COL25A1: variants seen among roughly 807,000 people sequenced by gnomAD.
The protein encoded by COL25A1 is collagen alpha-1(XXV) chain.
A neutral mutation model predicts 128.4 loss-of-function variants in COL25A1; 103 were observed. The observed-to-expected ratio is 0.80, with a 90% CI of 0.68 to 0.94. The LOEUF (loss-of-function observed/expected upper bound fraction) is 0.94. COL25A1 is among the 40% of genes least tolerant of loss of function. The pLI is 0.00. For synonymous variants in COL25A1, 279 were observed against 277.2 expected, an observed-to-expected ratio of 1.01 and a Z score of -0.06; for missense variants, 745 against 840.0, an observed-to-expected ratio of 0.89 and a Z score of 1.40.
intron 3 of COL25A1, among the ~76,000 whole-genome samples, chr4:109,105,861 A>G (rs1325059548): frequency 6.6e-6 from 1 of 152,334 alleles, no homozygotes; most frequent in African/African-American, 2.4e-5. Context: ...CACTTCTTTT[A>G]TGAAACCGAT....
chr4:109,151,564 T>A (rs1377812547), intron 3 of COL25A1, among the ~76,000 whole-genome samples: 1 of 152,126 alleles, frequency 6.6e-6, no homozygotes, highest in Non-Finnish European at 1.5e-5. Flanking sequence ...TAAAGTCCAG[T>A]AGCAGCATTA....
At chr4:108,861,016 A>G (rs771982988) in intron 22 of COL25A1, 45 bp from the exon 23 acceptor site, 1 of 1,524,474 alleles carries the variant, frequency 6.6e-7, no homozygotes, top group Non-Finnish European at 9.1e-7. Context: ...AAGTGGGGGA[A>G]TCTAGAAATC....
chr4:109,242,392 T>A (rs950789182), intron 3 of COL25A1, among the ~76,000 whole-genome samples: 1 of 152,052 alleles, frequency 6.6e-6, no homozygotes, highest in Non-Finnish European at 1.5e-5. Context: ...TAAACACACA[T>A]ACCAACACTC....
At chr4:109,113,640 C>T (rs55810387) in intron 3 of COL25A1, among the ~76,000 whole-genome samples, 12,539 of 147,110 alleles carry the variant, frequency 0.085, 878 homozygotes, top group Admixed American at 0.25. Context: ...ATAAAGAAAG[C>T]TTGCTGACTG....
Position 108,809,535 on chromosome 4 carries a change from A to C in COL25A1, c.*4392T>G, listed in dbSNP as rs1336056158. The C allele has an allele frequency of 2.4e-5, 1 of 41,630 alleles. No homozygotes were observed. Among genetic ancestry groups the C allele is most frequent in the Non-Finnish European group, 8.0e-5 (1 of 12,508 alleles). The allele number at this position is 41,630 out of a possible 1,614,324, so 2.6% of individuals were successfully genotyped here. ...AATCACACATAACGGTTTAGGTTGA[A>C]AAAGTCTTCTTATGCCCAAAAGGAC... On this transcript the variant is annotated 3_prime_UTR_variant, in exon 38 of 38. Transcript: ENST00000399132.
Position 109,139,866 on chromosome 4 carries a change from T to C in COL25A1, c.368-89687A>G, listed in dbSNP as rs566503027. ...AGGCCCCGGTGTGTGATGTTCCCCTTCCTGTGTCCATGTGTTCTCATTGTT... is the reference window on the plus strand; with the variant it reads ...AGGCCCCGGTGTGTGATGTTCCCCTCCCTGTGTCCATGTGTTCTCATTGTT... On this transcript the variant is annotated intron_variant, in intron 3 of 37. Coordinates refer to ENST00000399132, the MANE Select transcript of COL25A1 (RefSeq NM_198721.4). 8.1e-4 allele frequency among the ~76,000 whole-genome samples: 122 copies of C among 150,866 alleles called. 2 individuals are homozygous for C. The highest frequency in any genetic ancestry group is 3.4e-3 in the South Asian group (16 of 4,680).
intron 3 of COL25A1, among the ~76,000 whole-genome samples, chr4:109,195,948 C>T (rs1178603118): frequency 6.6e-6 from 1 of 152,158 alleles, no homozygotes; most frequent in Non-Finnish European, 1.5e-5. Flanking sequence ...TAGGGACTTC[C>T]AGCTATTCTT....
At chr4:109,060,452 A>G (rs915371147) in intron 3 of COL25A1, among the ~76,000 whole-genome samples, 1 of 152,136 alleles carries the variant, frequency 6.6e-6, no homozygotes, top group African/African-American at 2.4e-5. Context: ...TAGCGTAATG[A>G]TAATGGACAT....
At chr4:109,036,808 C>T (rs914078528) in intron 5 of COL25A1, among the ~76,000 whole-genome samples, 2 of 152,164 alleles carry the variant, frequency 1.3e-5, no homozygotes, top group Non-Finnish European at 2.9e-5. Context: ...TCCAGCATGC[C>T]TGCAGAGAAC....
At chr4:108,889,663 AACTCCTGGAGTACAAAT>A in intron 17 of COL25A1, 21 bp downstream of exon 17, 1 of 1,593,528 alleles carries the variant, frequency 6.3e-7, no homozygotes, top group South Asian at 1.1e-5. Flanking sequence ...TCAGAACTGT[AACTCCTGGAGTACAAAT>A]ACTTGCAAGG....
chr4:109,128,397 C>T (rs1459572255), intron 3 of COL25A1, among the ~76,000 whole-genome samples: 1 of 152,130 alleles, frequency 6.6e-6, no homozygotes, highest in African/African-American at 2.4e-5. Context: ...CTTTGCTTCC[C>T]AAACCTATCA....
At chr4:109,178,724 A>G (rs1005320085) in intron 3 of COL25A1, among the ~76,000 whole-genome samples, 2 of 151,320 alleles carry the variant, frequency 1.3e-5, no homozygotes, top group African/African-American at 4.9e-5. Context: ...AGGCCCAGCT[A>G]CTCAGGAAGC....
intron 3 of COL25A1, among the ~76,000 whole-genome samples, chr4:109,168,208 C>T (rs1013806528): frequency 6.6e-6 from 1 of 152,104 alleles, no homozygotes; most frequent in African/African-American, 2.4e-5. Context: ...TTTAGTATAT[C>T]CCTCTGAACT....
intron 3 of COL25A1, among the ~76,000 whole-genome samples, chr4:109,059,743 T>C (rs1254975874): frequency 6.6e-6 from 1 of 152,232 alleles, no homozygotes; most frequent in Non-Finnish European, 1.5e-5. Context: ...TGCTGTTATA[T>C]ATAAGTATTT....
intron 24 of COL25A1, among the ~76,000 whole-genome samples, chr4:108,854,921 A>T (rs1736296757): frequency 6.6e-6 from 1 of 152,118 alleles, no homozygotes; most frequent in African/African-American, 2.4e-5. Flanking sequence ...AACAAAATAT[A>T]CCGTGTCTAA....
At chr4:109,021,555 A>C (rs1348313182) in intron 5 of COL25A1, among the ~76,000 whole-genome samples, 2 of 152,192 alleles carry the variant, frequency 1.3e-5, no homozygotes, top group Non-Finnish European at 2.9e-5. Context: ...GAACAATATG[A>C]AATCAGTGCA....
intron 6 of COL25A1, among the ~76,000 whole-genome samples, chr4:108,976,897 C>T (rs1438160029): frequency 1.3e-5 from 2 of 152,124 alleles, no homozygotes; most frequent in Non-Finnish European, 2.9e-5. Flanking sequence ...AACTTTTTCA[C>T]CTGTTATTGC....
rs1416560801 is a variant in COL25A1 at position 108,817,397 on chromosome 4, C to G, written c.1962G>C (p.Lys654Asn). The stretch of plus-strand genomic sequence containing the variant: ...TGAGAAATTATTCAGTAAAGCCTAC[C>G]TTTTGCCAACAGCCAGGCATGGGTA... The part of the protein sequence containing the change: ...DGLPMPGCWQ[K>N] Residue 654 changes from lysine (K) to asparagine (N), a missense_variant and splice_region_variant, in exon 37 of 38, where the codon AAG becomes AAC. Lys to Asn is a moderately conservative substitution (Grantham distance 94). Coordinates refer to ENST00000399132, the MANE Select transcript of COL25A1 (RefSeq NM_198721.4). 3.1e-6 allele frequency: 5 copies of G among 1,613,222 alleles called. No homozygotes were observed. The highest frequency in any genetic ancestry group is 4.2e-6 in the Non-Finnish European group (5 of 1,179,396).
Position 108,819,317 on chromosome 4 carries a change from C to T in COL25A1, c.1858G>A (p.Val620Ile), listed in dbSNP as rs778525929. Residue 620 changes from valine to isoleucine, a missense_variant, in exon 36 of 38, where the codon GTT (valine) becomes ATT (isoleucine). By Grantham distance (29) the Val-to-Ile change is conservative. Coordinates refer to ENST00000399132, the MANE Select transcript of COL25A1 (RefSeq NM_198721.4). ...CCTGGCTCCCCTTTTTCCCCCTTAA[C>T]GCCACGGAATCCCTGTTTGTAAAGA... ...GEKGEKGFRG[V>I]KGEKGEPGQP... The T allele has an allele frequency of 8.7e-6, 14 of 1,612,750 alleles. No individual in the cohort carries two copies. Among genetic ancestry groups the T allele is most frequent in the Admixed American group, 5.0e-5 (3 of 59,682 alleles).
Sources: gnomAD v4.1 joint callset for allele counts (sites outside exome capture counted in the v4.1 genomes callset) on GRCh38, gnomAD v4.1.1 for gene constraint, MANE v1.5 for transcripts, NCBI Gene and HGNC (gene_info 2026-07-23, HGNC 2026-07-21) for gene names.